The following PTPRG variants were observed in gnomAD, a reference collection of about 807,000 sequenced individuals.
PTPRG encodes the protein protein tyrosine phosphatase receptor type G.
Under a neutral mutation model 165.3 loss-of-function variants are expected in PTPRG, and 102 were observed. The observed-to-expected ratio is 0.62, with a 90% CI of 0.53 to 0.73. PTPRG has a LOEUF of 0.73. Among genes scored for constraint, PTPRG ranks in the 30% least tolerant of loss-of-function variants. The pLI is 0.00. For missense variants in PTPRG, 1,866 were observed against 1,861.4 expected (o/e 1.00, Z -0.05); for synonymous variants, 675 against 669.5 (o/e 1.01, Z -0.13).
At chr3:61,736,576 A>G (rs186820780) in intron 1 of PTPRG, among the ~76,000 whole-genome samples, 1 of 152,282 alleles carries the variant, frequency 6.6e-6, no homozygotes, top group East Asian at 1.9e-4. Context: ...CACGTTCATT[A>G]GGCATTTGAC....
chr3:61,842,793 C>T (rs945399155), intron 2 of PTPRG, among the ~76,000 whole-genome samples: 1 of 151,826 alleles, frequency 6.6e-6, no homozygotes, highest in Admixed American at 6.6e-5. Flanking sequence ...ATGGGGATGG[C>T]AGAGCTACAA....
intron 2 of PTPRG, among the ~76,000 whole-genome samples, chr3:61,956,183 C>T (rs1406418930): frequency 6.6e-6 from 1 of 151,872 alleles, no homozygotes; most frequent in Admixed American, 6.6e-5. Flanking sequence ...CAGAGAGGAC[C>T]ATGAGAATTT....
At chr3:61,865,681 A>G in intron 2 of PTPRG, among the ~76,000 whole-genome samples, 1 of 152,206 alleles carries the variant, frequency 6.6e-6, no homozygotes, top group Admixed American at 6.5e-5. Context: ...CATGAGCATG[A>G]CAGAGCCCCT....
chr3:61,952,023 C>A (rs1425822552), intron 2 of PTPRG, among the ~76,000 whole-genome samples: 1 of 146,532 alleles, frequency 6.8e-6, no homozygotes, highest in African/African-American at 2.5e-5. Flanking sequence ...GAGGCTGAGG[C>A]AGGAGAATCA....
intron 4 of PTPRG, among the ~76,000 whole-genome samples, chr3:62,074,422 C>T (rs1345495507): frequency 7.1e-6 from 1 of 141,710 alleles, no homozygotes; most frequent in Non-Finnish European, 1.5e-5. Context: ...GTGGAGCCCT[C>T]AGTAGCCTCA....
intron 5 of PTPRG, among the ~76,000 whole-genome samples, chr3:62,082,899 T>G (rs1412828532): frequency 6.6e-6 from 1 of 152,218 alleles, no homozygotes; most frequent in Non-Finnish European, 1.5e-5. Flanking sequence ...CACATGGTAG[T>G]AATGTGTCTG....
chr3:61,981,888 G>A (rs2040651692), intron 2 of PTPRG, among the ~76,000 whole-genome samples: 2 of 152,158 alleles, frequency 1.3e-5, no homozygotes, highest in African/African-American at 2.4e-5. Flanking sequence ...TGACATGACT[G>A]TCCCCCTAGA....
At chr3:61,887,125 T>TAG in intron 2 of PTPRG, among the ~76,000 whole-genome samples, 1 of 8,984 alleles carries the variant, frequency 1.1e-4, no homozygotes, top group East Asian at 3.1e-3. Context: ...ATAGCATGCA[T>TAG]ATATATATAT....
rs554864480 is a variant in PTPRG, at chr3:62,220,888, CTT to C, written c.2288+1907_2288+1908del. Among the ~76,000 whole-genome samples the C allele has an allele frequency of 1.3e-4, 20 of 152,274 alleles. No individual in the cohort carries two copies. In the East Asian group the frequency reaches 3.5e-3, roughly 27 times the overall value. ...ACAGCTGCCACAGCATAAAGAAACACTTTGTACCCAGCAATTCTGGCAAAACC... is the reference window on the plus strand; with the variant it reads ...ACAGCTGCCACAGCATAAAGAAACACTGTACCCAGCAATTCTGGCAAAACC... On this transcript the variant is annotated intron_variant, in intron 13 of 29. Coordinates refer to ENST00000474889, the MANE Select transcript of PTPRG (RefSeq NM_002841.4).
chr3:62,196,888 A>G (rs1699976963), intron 10 of PTPRG, among the ~76,000 whole-genome samples: 3 of 151,912 alleles, frequency 2.0e-5, no homozygotes, highest in Admixed American at 6.6e-5. Context: ...TGAGTTGTGG[A>G]CCAGCAGCAG....
At position 61,746,208 on chromosome 3, in the gene PTPRG, A is replaced by ATTT. The variant is rs750697053; in HGVS notation, c.86-2644_86-2642dup. Among the ~76,000 whole-genome samples, 328 of 81,302 alleles carry ATTT rather than the reference A, an allele frequency of 4.0e-3. 20 individuals carry two copies. The highest frequency in any genetic ancestry group is 9.2e-3 in the South Asian group (18 of 1,964). 53.3% of individuals were successfully genotyped at this position (81,302 alleles called of 152,430 possible). On this transcript the variant is annotated intron_variant, in intron 1 of 29. Coordinates refer to ENST00000474889, the MANE Select transcript of PTPRG (RefSeq NM_002841.4). ...CAGGCGTGTGCCACCACACACTCTA[A>ATTT]TTTTTTTTTTTTTTTTTTTTTTTTT...
intron 2 of PTPRG, among the ~76,000 whole-genome samples, chr3:61,786,176 G>C (rs1046947421): frequency 6.6e-6 from 1 of 152,152 alleles, no homozygotes; most frequent in Non-Finnish European, 1.5e-5. Context: ...GGTAGAGTAG[G>C]TAGTGTCAGA....
chr3:62,123,023 G>A (rs1052111000), intron 5 of PTPRG, among the ~76,000 whole-genome samples: 4 of 152,120 alleles, frequency 2.6e-5, no homozygotes, highest in Non-Finnish European at 5.9e-5. Flanking sequence ...CTTGGCATAC[G>A]GTTATCTACT....
intron 2 of PTPRG, among the ~76,000 whole-genome samples, chr3:61,817,247 G>T (rs13061926): frequency 0.91 from 127,588 of 140,528 alleles, 58,151 homozygotes; most frequent in Middle Eastern, 0.98. Flanking sequence ...GAGCTGTTGG[G>T]AATCTCCATC....
At chr3:61,869,108 T>G (rs920731144) in intron 2 of PTPRG, among the ~76,000 whole-genome samples, 1 of 152,208 alleles carries the variant, frequency 6.6e-6, no homozygotes, top group Non-Finnish European at 1.5e-5. Context: ...AGGGATTTGC[T>G]ATTGGTCCAG....
intron 4 of PTPRG, among the ~76,000 whole-genome samples, chr3:62,024,945 C>A (rs975096705): frequency 6.6e-6 from 1 of 152,170 alleles, no homozygotes; most frequent in East Asian, 1.9e-4. Flanking sequence ...TCTTTCGAAG[C>A]AGGTTGCTGC....
rs187626624 is a variant in PTPRG, at chr3:62,086,648, G to A, written c.615+8390G>A. 3.2e-4 allele frequency among the ~76,000 whole-genome samples: 48 copies of A among 152,208 alleles called. 1 individual carries two copies. The highest frequency in any genetic ancestry group is 2.9e-3 in the Admixed American group (45 of 15,288). On this transcript the variant is annotated intron_variant, in intron 5 of 29. Transcript: ENST00000474889. ...TTCTTTCACTACATTACCTAGAAGT[G>A]CAATTTCAGAATGTTTTGGGTTGAT...
chr3:61,901,507 T>G lies in PTPRG; in HGVS notation c.191-88118T>G, dbSNP rs2038497770. Among the ~76,000 whole-genome samples the G allele has an allele frequency of 2.6e-5, 4 of 152,364 alleles. No individual in the cohort carries two copies. The South Asian group carries it at 8.3e-4, about 32-fold the overall frequency. On this transcript the variant is annotated intron_variant, in intron 2 of 29. Coordinates refer to ENST00000474889, the MANE Select transcript of PTPRG (RefSeq NM_002841.4). Reference sequence around the variant, plus strand: ...TAAGAACAACCTTGGATGTACTGTTTCAGTTCCCTTGGAAACTATAAATCC... The same window carrying G: ...TAAGAACAACCTTGGATGTACTGTTGCAGTTCCCTTGGAAACTATAAATCC...
intron 1 of PTPRG, among the ~76,000 whole-genome samples, chr3:61,644,004 C>T (rs1702133506): frequency 6.6e-6 from 1 of 152,160 alleles, no homozygotes; most frequent in Admixed American, 6.5e-5. Flanking sequence ...ATTATGTACA[C>T]AGCCCCTACC....
Sources: gnomAD v4.1 joint callset for allele counts (sites outside exome capture counted in the v4.1 genomes callset) on GRCh38, gnomAD v4.1.1 for gene constraint, MANE v1.5 for transcripts, NCBI Gene and HGNC (gene_info 2026-07-23, HGNC 2026-07-21) for gene names.